Variants in PIEZO2 observed in about 807,000 individuals in gnomAD.
The protein encoded by PIEZO2 is piezo-type mechanosensitive ion channel component 2.
Under a neutral mutation model 337.3 loss-of-function variants are expected in PIEZO2, and 172 were observed. That is an observed-to-expected ratio of 0.51 (90% CI 0.45 to 0.58). PIEZO2 has a LOEUF of 0.58. Ranked by LOEUF, PIEZO2 falls within the 20% of genes least tolerant of loss-of-function variation. The pLI is 0.00. For synonymous variants in PIEZO2, 1,251 were observed against 1,228.5 expected (o/e 1.02, Z -0.38); for missense variants, 3,028 against 3,391.3 (o/e 0.89, Z 2.66).
intron 15 of PIEZO2, 146 bp downstream of exon 15, chr18:10,788,933 T>C: frequency 2.0e-6 from 2 of 1,011,534 alleles, no homozygotes; most frequent in Non-Finnish European, 2.8e-6. Context: ...TTTCCCATTT[T>C]AGGATTCTTG....
At chr18:10,752,310 A>G (rs977814669) in intron 28 of PIEZO2, among the ~76,000 whole-genome samples, 2 of 152,220 alleles carry the variant, frequency 1.3e-5, no homozygotes, top group Non-Finnish European at 2.9e-5. Flanking sequence ...TAACAGGGCC[A>G]CTTCATAACT....
intron 1 of PIEZO2, among the ~76,000 whole-genome samples, chr18:11,121,909 C>T (rs1296728899): frequency 6.6e-6 from 1 of 152,100 alleles, no homozygotes; most frequent in Non-Finnish European, 1.5e-5. Context: ...TACTTATAAG[C>T]TTCATTATAA....
intron 3 of PIEZO2, among the ~76,000 whole-genome samples, chr18:10,935,309 T>G (rs563000971): frequency 6.6e-6 from 1 of 152,210 alleles, no homozygotes; most frequent in Non-Finnish European, 1.5e-5. Flanking sequence ...TTCACAGTAA[T>G]GAACAAAGAG....
At chr18:10,997,875 A>G (rs1365324238) in intron 2 of PIEZO2, among the ~76,000 whole-genome samples, 1 of 152,170 alleles carries the variant, frequency 6.6e-6, no homozygotes, top group Non-Finnish European at 1.5e-5. Flanking sequence ...GTATTTTAAC[A>G]TTCCAGAAAT....
intron 2 of PIEZO2, among the ~76,000 whole-genome samples, chr18:11,060,505 G>T (rs2037907521): frequency 6.6e-6 from 1 of 152,034 alleles, no homozygotes; most frequent in South Asian, 2.1e-4. Context: ...TTGATAGACT[G>T]CTAGCAAGAC....
Position 10,782,439 on chromosome 18 carries a change from A to T in PIEZO2, c.2493-2073T>A, listed in dbSNP as rs12957113. ...TATAATTATATATAAATAATTATAT[A>T]ATATATTATATAGTATATATATTAT... On this transcript the variant is annotated intron_variant, in intron 17 of 55. Coordinates refer to ENST00000674853, the MANE Select transcript of PIEZO2 (RefSeq NM_001378183.1). 5.8e-5 allele frequency among the ~76,000 whole-genome samples: 5 copies of T among 85,972 alleles called. No homozygotes were observed. The East Asian group carries it at 1.6e-3, about 27-fold the overall frequency. 56.4% of individuals were successfully genotyped at this position (85,972 alleles called of 152,430 possible). A position where few individuals can be genotyped will look rare whatever the true frequency, so the allele number is the denominator to read the frequency against.
At chr18:11,039,161 A>C (rs1384601059) in intron 2 of PIEZO2, among the ~76,000 whole-genome samples, 3 of 152,228 alleles carry the variant, frequency 2.0e-5, no homozygotes, top group Non-Finnish European at 2.9e-5. Flanking sequence ...AATACATAGA[A>C]ATTCATTAGC....
At chr18:10,785,880 T>C (rs58703063) in intron 16 of PIEZO2, among the ~76,000 whole-genome samples, 56,896 of 151,962 alleles carry the variant, frequency 0.37, 11,465 homozygotes, top group Non-Finnish European at 0.46. Context: ...CCACCAAGAA[T>C]AAAATACAAA....
chr18:10,723,791 C>CAG (rs1426868949), intron 36 of PIEZO2, among the ~76,000 whole-genome samples: 35 of 152,228 alleles, frequency 2.3e-4, no homozygotes, highest in Non-Finnish European at 2.9e-5. Flanking sequence ...GGGGACAAGG[C>CAG]AGAGATTGGC....
In PIEZO2 at chr18:11,078,748, G is replaced by A. The variant is rs1416255464; in HGVS notation, c.65-12526C>T. Among the ~76,000 whole-genome samples, 1 of 152,192 alleles carries A rather than the reference G, an allele frequency of 6.6e-6. No homozygotes were observed. Among genetic ancestry groups the A allele is most frequent in the South Asian group, 2.1e-4 (1 of 4,822 alleles). On this transcript the variant is annotated intron_variant, in intron 1 of 55. Transcript: ENST00000674853. This position sits in a 1 kb window ranked among gnomAD's most constrained non-coding sequence, Gnocchi z 5.3. The stretch of plus-strand genomic sequence containing the variant: ...CCCAGAGCAACATCCAAATAGCAAT[G>A]AATTGGATGAATGCCTCAAAATGAA...
chr18:10,981,178 A>T (rs2034651039), intron 2 of PIEZO2, among the ~76,000 whole-genome samples: 1 of 151,944 alleles, frequency 6.6e-6, no homozygotes, highest in Non-Finnish European at 1.5e-5. Context: ...TTAATAAAAC[A>T]CCTGTGGATA....
At chr18:10,718,300 AG>A (rs768653710) in intron 36 of PIEZO2, 41 bp from the exon 37 acceptor site, 2 of 1,463,920 alleles carry the variant, frequency 1.4e-6, no homozygotes, top group South Asian at 2.4e-5. Context: ...AATTCCATCT[AG>A]GGTAAATTAA....
At position 10,699,040 on chromosome 18, in the gene PIEZO2, C is replaced by T; in HGVS notation, c.6579G>A (p.Val2193=). ...CCGGGAAGGTCACATGCACTGACTC[C>T]ACAGACGCGGCCAGGTTGATGGACT... ...SLKSINLAAS[V]ESVHVTFPEQ... is the part of the protein sequence containing the mutation. Residue 2193 remains valine (V), a synonymous_variant, in exon 44 of 56, where the codon GTG becomes GTA. Coordinates refer to ENST00000674853, the MANE Select transcript of PIEZO2 (RefSeq NM_001378183.1). The T allele has an allele frequency of 6.5e-7, 1 of 1,537,152 alleles. No individual in the cohort carries two copies. Among genetic ancestry groups the T allele is most frequent in the Non-Finnish European group, 8.7e-7 (1 of 1,146,902 alleles).
Position 10,680,418 on chromosome 18 carries a change from G to A in PIEZO2, c.7780-47C>T, listed in dbSNP as rs762389027. 6 of 1,517,834 alleles carry A rather than the reference G, an allele frequency of 4.0e-6. No individual in the cohort carries two copies. The South Asian group carries it at 7.2e-5, about 18-fold the overall frequency. The allele number at this position is 1,517,834 out of a possible 1,614,324, so 94.0% of individuals were successfully genotyped here. On this transcript the variant is annotated intron_variant, in intron 51 of 55. Transcript: ENST00000674853. The stretch of plus-strand genomic sequence containing the variant: ...TGCATAAATAGATTATATGCATCAT[G>A]CTGTATAAAGAAAGCAGTCACTCTT...
intron 1 of PIEZO2, among the ~76,000 whole-genome samples, chr18:11,144,676 T>C (rs759099935): frequency 1.3e-5 from 2 of 152,242 alleles, no homozygotes; most frequent in Non-Finnish European, 2.9e-5. Flanking sequence ...TGGATTGGAA[T>C]ATTGTTTTTC....
chr18:11,002,903 A>G lies in PIEZO2; in HGVS notation c.161-23243T>C, dbSNP rs574781141. ...GAGAACAGACCAATAGAAACATCCA[A>G]TGGGGATGTAAAGAATTTTCTTTAG... On this transcript the variant is annotated intron_variant, in intron 2 of 55. Coordinates refer to ENST00000674853, the MANE Select transcript of PIEZO2 (RefSeq NM_001378183.1). This position sits in a 1 kb window ranked among gnomAD's most constrained non-coding sequence, Gnocchi z 4.3. Among the ~76,000 whole-genome samples the G allele has an allele frequency of 5.9e-5, 9 of 152,342 alleles. No individual in the cohort carries two copies. The South Asian group carries it at 1.7e-3, about 28-fold the overall frequency.
chr18:10,844,819 A>C (rs1011010126), intron 7 of PIEZO2, among the ~76,000 whole-genome samples: 1 of 151,060 alleles, frequency 6.6e-6, no homozygotes, highest in African/African-American at 2.4e-5. Flanking sequence ...CCTACCTCAT[A>C]GGGTTATTAT....
intron 2 of PIEZO2, among the ~76,000 whole-genome samples, chr18:11,030,656 G>A (rs2625368): frequency 0.23 from 34,775 of 151,980 alleles, 4,875 homozygotes; most frequent in African/African-American, 0.39. Context: ...CTGGTCCCTC[G>A]AGATATATGA....
intron 1 of PIEZO2, among the ~76,000 whole-genome samples, chr18:11,106,411 CCT>C (rs1171930641): frequency 2.0e-5 from 3 of 146,526 alleles, no homozygotes; most frequent in Non-Finnish European, 3.0e-5. Flanking sequence ...TTTTTTCTTT[CCT>C]CTCTCTTTTT....
Sources: allele counts gnomAD v4.1 joint callset (sites outside exome capture counted in the v4.1 genomes callset), GRCh38; gene constraint gnomAD v4.1.1; non-coding constraint Gnocchi (gnomAD v3.1); transcripts MANE v1.5; gene names NCBI Gene and HGNC (gene_info 2026-07-23, HGNC 2026-07-21).